Variants in ESRRB observed in about 807,000 individuals in gnomAD.
ESRRB encodes estrogen related receptor beta.
A neutral mutation model predicts 46.0 loss-of-function variants in ESRRB; 16 were observed. The observed-to-expected ratio is 0.35, with a 90% CI of 0.24 to 0.53. The LOEUF is 0.53. Among genes scored for constraint, ESRRB ranks in the 20% least tolerant of loss-of-function variants. ESRRB has a pLI of 0.93. For missense variants in ESRRB, 488 were observed against 607.4 expected (o/e 0.80, Z 2.07); for synonymous variants, 246 against 259.6 (o/e 0.95, Z 0.50).
intron 1 of ESRRB, among the ~76,000 whole-genome samples, chr14:76,347,991 T>A (rs986194922): frequency 2.0e-5 from 3 of 152,302 alleles, no homozygotes; most frequent in African/African-American, 7.2e-5. Flanking sequence ...AAGAATGACA[T>A]CTGAGTATGT....
chr14:76,316,436 C>T (rs1883800682), intron 1 of ESRRB, among the ~76,000 whole-genome samples: 1 of 151,090 alleles, frequency 6.6e-6, no homozygotes, highest in Admixed American at 6.7e-5. Flanking sequence ...TGGTAGTAGT[C>T]ATAGTAGTAG....
rs760608250 is a variant in ESRRB at position 76,498,222 on chromosome 14, T to C, written c.1129T>C (p.Tyr377His). The C allele has an allele frequency of 2.5e-5, 41 of 1,613,698 alleles. No individual in the cohort carries two copies. Among genetic ancestry groups the C allele is most frequent in the Admixed American group, 1.8e-4 (11 of 60,004 alleles). The part of the protein sequence containing the change: ...ALALANSDSM[Y>H]IEDLEAVQKL... ...CGTCCTTGTGCCTGCAGATTCCATGTACATCGAGGATCTAGAGGCTGTCCA... is the reference window on the plus strand; with the variant it reads ...CGTCCTTGTGCCTGCAGATTCCATGCACATCGAGGATCTAGAGGCTGTCCA... Residue 377 changes from tyrosine (Y) to histidine (H), a missense_variant, in exon 7 of 7, where the codon TAC becomes CAC. By Grantham distance (83) the Tyr-to-His change is moderately conservative. Transcript: ENST00000644823.
At chr14:76,400,642 G>A (rs1050965651) in intron 1 of ESRRB, among the ~76,000 whole-genome samples, 1 of 152,308 alleles carries the variant, frequency 6.6e-6, no homozygotes, top group Non-Finnish European at 1.5e-5. Context: ...GAATTATCTT[G>A]TGTGGTTGGA....
intron 2 of ESRRB, among the ~76,000 whole-genome samples, chr14:76,447,224 C>T (rs1238434935): frequency 6.6e-6 from 1 of 150,806 alleles, no homozygotes; most frequent in African/African-American, 2.5e-5. Flanking sequence ...TTTGTCTTCC[C>T]TTGCTCATTT....
intron 1 of ESRRB, among the ~76,000 whole-genome samples, chr14:76,312,462 A>G (rs1298475540): frequency 1.3e-5 from 2 of 151,814 alleles, no homozygotes; most frequent in Non-Finnish European, 2.9e-5. Flanking sequence ...AAGCAATGAG[A>G]AATTAGAAGG....
At chr14:76,394,333 A>G (rs1885587920) in intron 1 of ESRRB, among the ~76,000 whole-genome samples, 1 of 152,120 alleles carries the variant, frequency 6.6e-6, no homozygotes, top group Non-Finnish European at 1.5e-5. Context: ...TCACGACAAT[A>G]GTAATATTTG....
intron 1 of ESRRB, among the ~76,000 whole-genome samples, chr14:76,360,212 G>T (rs1884446397): frequency 6.6e-6 from 1 of 152,110 alleles, no homozygotes; most frequent in Admixed American, 6.5e-5. Context: ...TCTGCTCTGA[G>T]TCCAGCGTGT....
rs35191942 is a variant in ESRRB, at chr14:76,321,886, CA to C, written c.2+10984del. On this transcript the variant is annotated intron_variant, in intron 1 of 6. Coordinates refer to the ESRRB transcript ENST00000512784. The stretch of plus-strand genomic sequence containing the variant: ...TGGGCTAAAGAGCGGGACTCCGTCT[CA>C]AAAAAAAAAAAAATATATTCTTCCC... Among the ~76,000 whole-genome samples the C allele has an allele frequency of 5.7e-4, 81 of 141,928 alleles. No homozygotes were observed. In the South Asian group the frequency reaches 5.9e-3, roughly 10 times the overall value. 93.1% of individuals were successfully genotyped at this position (141,928 alleles called of 152,430 possible).
chr14:76,358,325 AAGAAAGAAAGAAAG>A (rs1884412101), intron 1 of ESRRB, among the ~76,000 whole-genome samples: 30 of 15,094 alleles, frequency 2.0e-3, no homozygotes, highest in African/African-American at 6.5e-3. Flanking sequence ...AAAAAAAAAA[AAGAAAGAAAGAAAG>A]AAAGAAAGAA....
intron 1 of ESRRB, among the ~76,000 whole-genome samples, chr14:76,361,684 G>C (rs1884465991): frequency 2.0e-5 from 3 of 152,204 alleles, no homozygotes; most frequent in Admixed American, 6.5e-5. Flanking sequence ...CTCCATGTCT[G>C]AATCACAGTG....
intron 3 of ESRRB, among the ~76,000 whole-genome samples, chr14:76,469,033 G>A (rs1344369648): frequency 6.6e-6 from 1 of 151,904 alleles, no homozygotes; most frequent in Non-Finnish European, 1.5e-5. Context: ...ACAAACGCTG[G>A]TCCCCCTCCT....
At chr14:76,370,570 A>AC (rs1400520529), upstream of ESRRB, among the ~76,000 whole-genome samples, 1 of 152,178 alleles carries the variant, frequency 6.6e-6, no homozygotes, top group Non-Finnish European at 1.5e-5. Context: ...TAATTGTTCA[A>AC]TGCCTCTTAG....
intron 1 of ESRRB, among the ~76,000 whole-genome samples, chr14:76,361,118 T>C (rs1884457305): frequency 6.6e-6 from 1 of 152,208 alleles, no homozygotes; most frequent in South Asian, 2.1e-4. Context: ...CATGAAAGAA[T>C]ACATTTGAGA....
chr14:76,482,850 A>C lies in ESRRB; in HGVS notation c.850+91A>C. On this transcript the variant is annotated intron_variant, in intron 5 of 6. Coordinates refer to ENST00000644823, the MANE Select transcript of ESRRB (RefSeq NM_001379180.1). The surrounding 1 kb of genome is among the most constrained non-coding windows in gnomAD (Gnocchi z 4.3). ...CAATGGCTGTGCTTCTGATGCCCGG[A>C]TCCTGGACCCCAGAAGGCCTGTGAA... 1 of 1,494,694 alleles carries C rather than the reference A, an allele frequency of 6.7e-7. No homozygotes were observed. The highest frequency in any genetic ancestry group is 9.3e-7 in the Non-Finnish European group (1 of 1,080,874). 92.6% of individuals were successfully genotyped at this position (1,494,694 alleles called of 1,614,324 possible).
chr14:76,455,030 A>G (rs955857523), intron 2 of ESRRB, among the ~76,000 whole-genome samples: 2 of 152,008 alleles, frequency 1.3e-5, no homozygotes, highest in African/African-American at 4.8e-5. Context: ...CAGCCTGGCC[A>G]ACATGGTGAA....
At chr14:76,365,693 G>C (rs1884513937) in intron 1 of ESRRB, among the ~76,000 whole-genome samples, 1 of 152,076 alleles carries the variant, frequency 6.6e-6, no homozygotes, top group Admixed American at 6.5e-5. Flanking sequence ...TTAAATAATA[G>C]GTAACAAAAA....
chr14:76,380,731 T>C (rs1484683748), intron 1 of ESRRB, among the ~76,000 whole-genome samples: 1 of 152,174 alleles, frequency 6.6e-6, no homozygotes, highest in Non-Finnish European at 1.5e-5. Context: ...GGCTCTTGAC[T>C]GAATGTTACT....
chr14:76,468,970 G>A (rs1279823152), intron 3 of ESRRB, among the ~76,000 whole-genome samples: 2 of 152,104 alleles, frequency 1.3e-5, no homozygotes, highest in Non-Finnish European at 2.9e-5. Flanking sequence ...CTACCAGTTT[G>A]TGCACCTGTT....
intron 1 of ESRRB, among the ~76,000 whole-genome samples, chr14:76,327,009 G>C (rs1883937850): frequency 1.3e-5 from 2 of 152,262 alleles, no homozygotes; most frequent in South Asian, 4.1e-4. Flanking sequence ...GCCTAGGCCT[G>C]GGCCGGGTGA....
Sources: allele counts gnomAD v4.1 joint callset (sites outside exome capture counted in the v4.1 genomes callset), GRCh38; gene constraint gnomAD v4.1.1; non-coding constraint Gnocchi (gnomAD v3.1); transcripts MANE v1.5; gene names NCBI Gene and HGNC (gene_info 2026-07-23, HGNC 2026-07-21).